The following THSD7B variants were observed in gnomAD, a reference collection of about 807,000 sequenced individuals.
THSD7B encodes the protein thrombospondin type-1 domain-containing protein 7B.
THSD7B carries 138 observed loss-of-function variants against 213.6 expected under a neutral mutation model. The ratio of observed to expected loss-of-function variants is 0.65; its 90% confidence interval spans 0.56 to 0.74. The LOEUF (loss-of-function observed/expected upper bound fraction) is 0.74. Ranked by LOEUF, THSD7B falls within the 30% of genes least tolerant of loss-of-function variation. THSD7B has a pLI of 0.00. For synonymous variants in THSD7B, 742 were observed against 687.0 expected (o/e 1.08, Z -1.25); for missense variants, 1,931 against 1,991.5 (o/e 0.97, Z 0.58).
chr2:137,170,816 C>T lies in THSD7B; in HGVS notation c.1601C>T (p.Ser534Phe), dbSNP rs199686067. Residue 534 changes from serine (S) to phenylalanine (F), a missense_variant, in exon 7 of 28, where the codon TCT (serine) becomes TTT (phenylalanine). Transcript: ENST00000409968. ...GGGCATTGCCCTCATTTGGTGGAGT[C>T]TGTTCCTTGTGAGGATCCAATGTGC... ...PAGHCPHLVE[S>F]VPCEDPMCYR... The T allele has an allele frequency of 4.8e-5, 78 of 1,613,758 alleles. No individual in the cohort carries two copies. The African/African-American group carries it at 9.6e-4, about 20-fold the overall frequency.
At chr2:137,422,552 A>G (rs1473858029) in intron 14 of THSD7B, among the ~76,000 whole-genome samples, 1 of 152,198 alleles carries the variant, frequency 6.6e-6, no homozygotes, top group African/African-American at 2.4e-5. Context: ...TCATTTGCTT[A>G]TGGATTCATT....
chr2:137,391,408 G>A (rs1686023861), intron 12 of THSD7B, among the ~76,000 whole-genome samples: 1 of 152,000 alleles, frequency 6.6e-6, no homozygotes, highest in Non-Finnish European at 1.5e-5. Context: ...TAAAGAACAG[G>A]CCAGGTGCAG....
At chr2:137,381,937 G>A (rs1256291075) in intron 12 of THSD7B, among the ~76,000 whole-genome samples, 1 of 152,174 alleles carries the variant, frequency 6.6e-6, no homozygotes, top group Non-Finnish European at 1.5e-5. Context: ...GAGGCCACAT[G>A]TGAAATGAGC....
intron 6 of THSD7B, among the ~76,000 whole-genome samples, chr2:137,170,031 CG>C (rs929598459): frequency 6.6e-6 from 1 of 152,056 alleles, no homozygotes; most frequent in Non-Finnish European, 1.5e-5. Flanking sequence ...CCATTTGCCT[CG>C]ATGTGTACCT....
At chr2:137,068,277 G>A (rs1241926182) in intron 3 of THSD7B, among the ~76,000 whole-genome samples, 1 of 152,078 alleles carries the variant, frequency 6.6e-6, no homozygotes, top group Non-Finnish European at 1.5e-5. Flanking sequence ...GTTCTAGACA[G>A]CGTATTGAAC....
chr2:137,045,003 T>A (rs1686944955), intron 2 of THSD7B, among the ~76,000 whole-genome samples: 1 of 152,232 alleles, frequency 6.6e-6, no homozygotes, highest in South Asian at 2.1e-4. Flanking sequence ...TTTCTCTTCC[T>A]GTCTTCCACC....
intron 12 of THSD7B, among the ~76,000 whole-genome samples, chr2:137,313,158 C>A (rs1404612475): frequency 6.6e-6 from 1 of 152,124 alleles, no homozygotes; most frequent in Non-Finnish European, 1.5e-5. Context: ...CTTTGTAGGT[C>A]ACTAAGGACT....
intron 12 of THSD7B, among the ~76,000 whole-genome samples, chr2:137,307,882 G>C (rs1417941926): frequency 6.6e-6 from 1 of 152,002 alleles, no homozygotes; most frequent in Non-Finnish European, 1.5e-5. Context: ...ACCCTCTCTG[G>C]AGACTGTCTC....
At chr2:137,596,653 C>CT (rs569752109) in intron 17 of THSD7B, among the ~76,000 whole-genome samples, 3 of 151,786 alleles carry the variant, frequency 2.0e-5, no homozygotes, top group Non-Finnish European at 4.4e-5. Flanking sequence ...TTCTTTTATT[C>CT]TTTTTTTGTT....
chr2:137,588,880 G>T (rs1485750906), intron 17 of THSD7B, among the ~76,000 whole-genome samples: 1 of 151,962 alleles, frequency 6.6e-6, no homozygotes, highest in African/African-American at 2.4e-5. Flanking sequence ...CCACCTCCCA[G>T]TGGATTTTCC....
chr2:137,357,415 T>G (rs1685157674), intron 12 of THSD7B, among the ~76,000 whole-genome samples: 1 of 152,100 alleles, frequency 6.6e-6, no homozygotes, highest in Non-Finnish European at 1.5e-5. Flanking sequence ...TTTAGAGTTT[T>G]TTTGTTTGTT....
At chr2:137,069,279 C>A (rs1023263577) in intron 3 of THSD7B, among the ~76,000 whole-genome samples, 1 of 152,020 alleles carries the variant, frequency 6.6e-6, no homozygotes, top group Non-Finnish European at 1.5e-5. Flanking sequence ...TTGTGAAATG[C>A]AATAGTCTTC....
At chr2:137,530,596 G>A (rs1185050969) in intron 15 of THSD7B, among the ~76,000 whole-genome samples, 1 of 151,982 alleles carries the variant, frequency 6.6e-6, no homozygotes, top group East Asian at 1.9e-4. Flanking sequence ...TAGAGAGACA[G>A]GAAGTTGAAC....
chr2:137,434,240 T>A (rs1342301883), intron 14 of THSD7B, among the ~76,000 whole-genome samples: 1 of 152,190 alleles, frequency 6.6e-6, no homozygotes, highest in Admixed American at 6.5e-5. Context: ...AGGAGACTTT[T>A]TGTCAAATTT....
chr2:137,351,214 G>A (rs1360743594), intron 12 of THSD7B, among the ~76,000 whole-genome samples: 1 of 151,924 alleles, frequency 6.6e-6, no homozygotes, highest in African/African-American at 2.4e-5. Context: ...AACATGGTAT[G>A]AGTCTTAGAT....
At chr2:137,043,526 T>A (rs1686918881) in intron 2 of THSD7B, among the ~76,000 whole-genome samples, 1 of 152,202 alleles carries the variant, frequency 6.6e-6, no homozygotes, top group Non-Finnish European at 1.5e-5. Flanking sequence ...TCGATTCTTA[T>A]CAGTTTTGCT....
intron 2 of THSD7B, among the ~76,000 whole-genome samples, chr2:136,994,473 A>AAG (rs1264318710): frequency 6.6e-6 from 1 of 152,182 alleles, no homozygotes; most frequent in African/African-American, 2.4e-5. Flanking sequence ...AGGCTGAGGC[A>AAG]GGAGAATGGC....
chr2:137,101,187 G>A (rs554540829), intron 4 of THSD7B, among the ~76,000 whole-genome samples: 11 of 152,142 alleles, frequency 7.2e-5, no homozygotes, highest in African/African-American at 2.6e-4. Flanking sequence ...ACAGGCATGT[G>A]CCACCATGCC....
intron 15 of THSD7B, among the ~76,000 whole-genome samples, chr2:137,474,791 A>G (rs1688161846): frequency 6.6e-6 from 1 of 152,198 alleles, no homozygotes; most frequent in African/African-American, 2.4e-5. Context: ...CTTATCACAA[A>G]TGATGAAAAT....
Sources: allele counts gnomAD v4.1 joint callset (sites outside exome capture counted in the v4.1 genomes callset), GRCh38; gene constraint gnomAD v4.1.1; transcripts MANE v1.5; gene names NCBI Gene and HGNC (gene_info 2026-07-23, HGNC 2026-07-21).